Variants in ZNF385D observed in about 807,000 individuals in gnomAD.
ZNF385D encodes zinc finger protein 659.
ZNF385D carries 15 observed loss-of-function variants against 35.8 expected under a neutral mutation model. The ratio of observed to expected loss-of-function variants is 0.42; its 90% confidence interval spans 0.28 to 0.64. The LOEUF (loss-of-function observed/expected upper bound fraction) is 0.64. ZNF385D is among the 30% of genes least tolerant of loss of function. The pLI is 0.23. For synonymous variants in ZNF385D, 212 were observed against 186.8 expected, an observed-to-expected ratio of 1.13 and a Z score of -1.10; for missense variants, 474 against 494.6, an observed-to-expected ratio of 0.96 and a Z score of 0.39.
At chr3:22,065,743 A>C (rs1699914605) in intron 3 of ZNF385D, among the ~76,000 whole-genome samples, 1 of 152,186 alleles carries the variant, frequency 6.6e-6, no homozygotes. Context: ...CTGCATAAAA[A>C]AACCAGCACA....
At chr3:22,083,596 C>A (rs1700875098) in intron 3 of ZNF385D, among the ~76,000 whole-genome samples, 1 of 152,196 alleles carries the variant, frequency 6.6e-6, no homozygotes, top group African/African-American at 2.4e-5. Flanking sequence ...AAGACCAAAT[C>A]TATGTCTGAT....
intron 2 of ZNF385D, among the ~76,000 whole-genome samples, chr3:21,660,747 C>T (rs1383052200): frequency 6.6e-6 from 1 of 152,222 alleles, no homozygotes; most frequent in African/African-American, 2.4e-5. Context: ...TAAAAGCCAA[C>T]TATACCTCTG....
intron 3 of ZNF385D, among the ~76,000 whole-genome samples, chr3:21,538,504 TA>T (rs1276690083): frequency 6.6e-6 from 1 of 152,124 alleles, no homozygotes; most frequent in Non-Finnish European, 1.5e-5. Context: ...GTTCTGTACA[TA>T]AAATAACTTC....
At chr3:22,238,125 A>T (rs1304819691) in intron 2 of ZNF385D, among the ~76,000 whole-genome samples, 1 of 151,108 alleles carries the variant, frequency 6.6e-6, no homozygotes. Context: ...AGATGTGAAG[A>T]TTTATTTCTG....
At chr3:21,895,085 G>A (rs1384228857) in intron 3 of ZNF385D, among the ~76,000 whole-genome samples, 3 of 152,054 alleles carry the variant, frequency 2.0e-5, no homozygotes, top group African/African-American at 4.8e-5. Flanking sequence ...AATCTGTGGT[G>A]TGGAAAAGAA....
chr3:21,933,935 T>C (rs1701135587), intron 3 of ZNF385D, among the ~76,000 whole-genome samples: 1 of 144,058 alleles, frequency 6.9e-6, no homozygotes, highest in African/African-American at 2.5e-5. Context: ...AAAAGGTACT[T>C]AGCAAAGTTG....
intron 3 of ZNF385D, among the ~76,000 whole-genome samples, chr3:21,871,014 T>C (rs1697663165): frequency 6.6e-6 from 1 of 152,176 alleles, no homozygotes; most frequent in South Asian, 2.1e-4. Context: ...TAAAAACTAA[T>C]AGCTTGTTCT....
intron 1 of ZNF385D, among the ~76,000 whole-genome samples, chr3:21,745,928 A>G (rs935077920): frequency 4.6e-5 from 7 of 152,196 alleles, no homozygotes; most frequent in South Asian, 2.1e-4. Flanking sequence ...TTTAATGTCT[A>G]TCTTATTAAG....
chr3:21,592,917 G>A (rs2064023727), intron 2 of ZNF385D, among the ~76,000 whole-genome samples: 1 of 152,134 alleles, frequency 6.6e-6, no homozygotes, highest in South Asian at 2.1e-4. Flanking sequence ...GTTTTAACAT[G>A]TTCTATTCCC....
At chr3:21,946,076 T>C (rs573772497) in intron 3 of ZNF385D, among the ~76,000 whole-genome samples, 1 of 152,288 alleles carries the variant, frequency 6.6e-6, no homozygotes, top group East Asian at 1.9e-4. Context: ...AGGTCATGGA[T>C]CAATTCACCA....
chr3:21,976,455 T>C (rs908476111), intron 3 of ZNF385D, among the ~76,000 whole-genome samples: 2 of 152,084 alleles, frequency 1.3e-5, no homozygotes, highest in Non-Finnish European at 2.9e-5. Flanking sequence ...CTAAAATTGA[T>C]AGCATGATAG....
chr3:21,940,041 C>T (rs892090252), intron 3 of ZNF385D, among the ~76,000 whole-genome samples: 3 of 152,154 alleles, frequency 2.0e-5, no homozygotes, highest in Admixed American at 1.3e-4. Flanking sequence ...GAACATGCCT[C>T]ACTTCTTTCC....
At chr3:21,908,166 CTATCTATA>C (rs1354353853) in intron 3 of ZNF385D, among the ~76,000 whole-genome samples, 1 of 146,610 alleles carries the variant, frequency 6.8e-6, no homozygotes. Flanking sequence ...ATCTATCTAT[CTATCTATA>C]TATGTATAAA....
At chr3:22,250,365 T>C (rs1054223663) in intron 2 of ZNF385D, among the ~76,000 whole-genome samples, 12 of 130,714 alleles carry the variant, frequency 9.2e-5, no homozygotes, top group African/African-American at 3.3e-4. Context: ...CTGAATGACA[T>C]AATTTTTTAA....
chr3:21,615,793 A>T (rs1218660350), intron 2 of ZNF385D, among the ~76,000 whole-genome samples: 7 of 145,238 alleles, frequency 4.8e-5, no homozygotes, highest in East Asian at 4.2e-4. Context: ...ATGGAGAAAG[A>T]GTGTGTGTGT....
chr3:21,760,897 G>A (rs536838368), intron 3 of ZNF385D, among the ~76,000 whole-genome samples: 40 of 152,214 alleles, frequency 2.6e-4, no homozygotes, highest in African/African-American at 8.2e-4. Context: ...TATATTTAGC[G>A]TCATTTTTAA....
intron 2 of ZNF385D, among the ~76,000 whole-genome samples, chr3:22,223,886 C>T (rs1401420990): frequency 6.6e-6 from 1 of 152,064 alleles, no homozygotes; most frequent in South Asian, 2.1e-4. Flanking sequence ...TATTTTTTTA[C>T]TACATGCCAC....
At chr3:22,172,969 C>A (rs748912636) in intron 2 of ZNF385D, among the ~76,000 whole-genome samples, 4 of 152,118 alleles carry the variant, frequency 2.6e-5, no homozygotes, top group South Asian at 2.1e-4. Flanking sequence ...AGTGAAGAAA[C>A]CTGACAAATA....
At chr3:22,022,061 T>G (rs1404181250) in intron 3 of ZNF385D, among the ~76,000 whole-genome samples, 1 of 152,052 alleles carries the variant, frequency 6.6e-6, no homozygotes, top group Non-Finnish European at 1.5e-5. Flanking sequence ...CAGAACTAAT[T>G]GAGTGTGAGT....
Sources: gnomAD v4.1 joint callset for allele counts (sites outside exome capture counted in the v4.1 genomes callset) on GRCh38, gnomAD v4.1.1 for gene constraint, MANE v1.5 for transcripts, NCBI Gene and HGNC (gene_info 2026-07-23, HGNC 2026-07-21) for gene names.